Variants in MYLK observed in about 807,000 individuals in gnomAD.
MYLK encodes the protein myosin light chain kinase, also known as myosin light chain kinase, smooth muscle.
MYLK carries 106 observed loss-of-function variants against 203.4 expected under a neutral mutation model. That is an observed-to-expected ratio of 0.52 (90% CI 0.45 to 0.61). MYLK has a LOEUF of 0.61. MYLK is among the 20% of genes least tolerant of loss of function. The pLI is 0.00. For missense variants in MYLK, 2,072 were observed against 2,442.3 expected, an observed-to-expected ratio of 0.85 and a Z score of 3.20; for synonymous variants, 867 against 959.5, an observed-to-expected ratio of 0.90 and a Z score of 1.78.
At chr3:123,716,901 A>C (rs945543210) in intron 13 of MYLK, among the ~76,000 whole-genome samples, 3 of 152,216 alleles carry the variant, frequency 2.0e-5, no homozygotes, top group Non-Finnish European at 4.4e-5. Context: ...TCTGTAACAC[A>C]AAGAACCCAT....
intron 2 of MYLK, among the ~76,000 whole-genome samples, chr3:123,857,967 T>C (rs2031561050): frequency 6.6e-6 from 1 of 152,162 alleles, no homozygotes; most frequent in African/African-American, 2.4e-5. Flanking sequence ...CCACTTGCAC[T>C]TGGGGCCTAT....
chr3:123,843,497 A>G (rs990429000), intron 2 of MYLK, among the ~76,000 whole-genome samples: 2 of 152,194 alleles, frequency 1.3e-5, no homozygotes, highest in African/African-American at 4.8e-5. Context: ...ATAGGAATAA[A>G]GGTAAGGTGG....
chr3:123,750,700 A>C (rs1260298655), intron 5 of MYLK, among the ~76,000 whole-genome samples: 3 of 152,188 alleles, frequency 2.0e-5, no homozygotes, highest in Non-Finnish European at 4.4e-5. Flanking sequence ...CAGAACTCAG[A>C]AGAGGGAACA....
chr3:123,807,287 G>C (rs1414338536), intron 3 of MYLK, among the ~76,000 whole-genome samples: 1 of 152,002 alleles, frequency 6.6e-6, no homozygotes, highest in Non-Finnish European at 1.5e-5. Context: ...AAGTCAGCTG[G>C]GTGTGGTGGC....
intron 4 of MYLK, among the ~76,000 whole-genome samples, chr3:123,782,503 A>T (rs1212366625): frequency 6.6e-6 from 1 of 152,236 alleles, no homozygotes; most frequent in Non-Finnish European, 1.5e-5. Flanking sequence ...AGTTGGAAGG[A>T]AGATAGATAT....
intron 2 of MYLK, among the ~76,000 whole-genome samples, chr3:123,862,785 G>GC (rs987584989): frequency 6.6e-6 from 1 of 152,054 alleles, no homozygotes; most frequent in African/African-American, 2.4e-5. Context: ...CCTTTCAGCA[G>GC]CCCCCACCTC....
chr3:123,700,588 C>G lies in MYLK; in HGVS notation c.2880G>C (p.Lys960Asn). ...QVDFRSVLAK[K>N]GTSKTPVPEK... Reference sequence around the variant, plus strand: ...CAGGCACGGGGGTCTTGGAAGTCCCCTTCTTGGCCAGGACAGAGCGAAAAT... The same window carrying G: ...CAGGCACGGGGGTCTTGGAAGTCCCGTTCTTGGCCAGGACAGAGCGAAAAT... The change falls in exon 18 of 34, where the codon AAG becomes AAC. Residue 960 changes from lysine (K) to asparagine (N), a missense_variant. Lys to Asn is a moderately conservative substitution (Grantham distance 94). Around this residue, in one of 3 missense-constraint regions of MYLK, gnomAD observed 865 missense variants for 1,016.0 expected, o/e 0.85. Coordinates refer to ENST00000360304, the MANE Select transcript of MYLK (RefSeq NM_053025.4). 1 of 1,613,734 alleles carries G rather than the reference C, an allele frequency of 6.2e-7. No individual in the cohort carries two copies. Among genetic ancestry groups the G allele is most frequent in the Non-Finnish European group, 8.5e-7 (1 of 1,179,960 alleles).
At position 123,700,822 on chromosome 3, in the gene MYLK, G is replaced by A; in HGVS notation, c.2646C>T (p.His882=). 1.2e-6 allele frequency: 2 copies of A among 1,614,126 alleles called. No homozygotes were observed. Among genetic ancestry groups the A allele is most frequent in the Non-Finnish European group, 1.7e-6 (2 of 1,180,038 alleles). ...CCTGCTGGCGGATCGCCTCCTCAGT[G>A]TGCTGCCTCGTCTCCACGCGCCTCT... is the stretch of plus-strand genomic sequence containing the variant. The part of the protein sequence containing the change: ...VLKRRVETRQ[H]TEEAIRQQEV... Residue 882 remains histidine, a synonymous_variant, in exon 18 of 34, where the codon CAC becomes CAT. Transcript: ENST00000360304.
Position 123,707,870 on chromosome 3 carries a change from G to T in MYLK, c.2274C>A (p.Gly758=), listed in dbSNP as rs1165195506. The T allele has an allele frequency of 5.0e-6, 8 of 1,614,112 alleles. No individual in the cohort carries two copies. The highest frequency in any genetic ancestry group is 2.2e-5 in the East Asian group (1 of 44,906). The change falls in exon 16 of 34, where the codon GGC becomes GGA. Residue 758 remains glycine, a synonymous_variant. Coordinates refer to ENST00000360304, the MANE Select transcript of MYLK (RefSeq NM_053025.4). ...GGCCAGTGTCTTTGCAGAGGGCTTT[G>T]CCATCTCTGAGCCAGTGCACGGTAG... ...PFPTVHWLRD[G]KALCKDTGHF...
At chr3:123,881,344 G>A (rs1341073738) in intron 1 of MYLK, among the ~76,000 whole-genome samples, 1 of 152,160 alleles carries the variant, frequency 6.6e-6, no homozygotes, top group Non-Finnish European at 1.5e-5. Flanking sequence ...TCCTCTGCAT[G>A]CACCCTCTGC....
At chr3:123,798,852 T>C (rs2065084991) in intron 3 of MYLK, among the ~76,000 whole-genome samples, 1 of 152,052 alleles carries the variant, frequency 6.6e-6, no homozygotes, top group Non-Finnish European at 1.5e-5. Flanking sequence ...ACACAATTAA[T>C]GGTTACTGAC....
intron 1 of MYLK, among the ~76,000 whole-genome samples, chr3:123,878,311 G>A (rs1378980913): frequency 6.6e-6 from 1 of 152,160 alleles, no homozygotes; most frequent in Non-Finnish European, 1.5e-5. Context: ...GAGATACCAC[G>A]TCACATAGCA....
At chr3:123,679,454 G>A (rs1458271846) in intron 20 of MYLK, among the ~76,000 whole-genome samples, 1 of 152,216 alleles carries the variant, frequency 6.6e-6, no homozygotes, top group East Asian at 1.9e-4. Flanking sequence ...GGACAAGAGT[G>A]CAGGGGTGCA....
intron 4 of MYLK, among the ~76,000 whole-genome samples, chr3:123,773,446 T>C (rs887822770): frequency 6.6e-5 from 10 of 152,198 alleles, no homozygotes; most frequent in Non-Finnish European, 1.5e-4. Context: ...GAAATTCAAA[T>C]TATGCAAATT....
intron 3 of MYLK, among the ~76,000 whole-genome samples, chr3:123,805,504 T>C (rs973424576): frequency 6.6e-6 from 1 of 152,028 alleles, no homozygotes; most frequent in African/African-American, 2.4e-5. Flanking sequence ...TTTTTTCCCA[T>C]ACAATTCTCA....
At chr3:123,789,639 C>T (rs1293654241) in intron 4 of MYLK, among the ~76,000 whole-genome samples, 1 of 126,902 alleles carries the variant, frequency 7.9e-6, no homozygotes, top group Non-Finnish European at 1.6e-5. Context: ...ATAGTCTCCT[C>T]AAGCTTTGGG....
intron 33 of MYLK, chr3:123,617,480 G>C (rs1163347127): frequency 6.6e-6 from 1 of 152,200 alleles, no homozygotes; most frequent in Non-Finnish European, 1.5e-5. Flanking sequence ...GGTAGGCGAA[G>C]CATTGATAAG....
At chr3:123,842,172 G>A (rs994751359) in intron 2 of MYLK, among the ~76,000 whole-genome samples, 26 of 151,778 alleles carry the variant, frequency 1.7e-4, no homozygotes, top group Admixed American at 1.7e-3. Flanking sequence ...AAACACAAAG[G>A]CATTGAAAAT....
chr3:123,657,002 G>A, intron 24 of MYLK, 124 bp downstream of exon 24: 1 of 1,121,282 alleles, frequency 8.9e-7, no homozygotes, highest in Non-Finnish European at 1.3e-6. Flanking sequence ...GACCCCAAAA[G>A]ACCCTGCCAG....
Sources: gnomAD v4.1 joint callset for allele counts (sites outside exome capture counted in the v4.1 genomes callset) on GRCh38, gnomAD v4.1.1 for gene constraint, gnomAD v4.1.1 regional missense constraint, MANE v1.5 for transcripts, NCBI Gene and HGNC (gene_info 2026-07-23, HGNC 2026-07-21) for gene names.